GRM7: variants seen among roughly 807,000 people sequenced by gnomAD.
GRM7 encodes the protein metabotropic glutamate receptor 7.
GRM7 carries 35 observed loss-of-function variants against 84.5 expected under a neutral mutation model. That is an observed-to-expected ratio of 0.41 (90% CI 0.32 to 0.55). GRM7 has a LOEUF of 0.55. Ranked by LOEUF, GRM7 falls within the 20% of genes least tolerant of loss-of-function variation. The probability of loss-of-function intolerance (pLI) is 0.19; values close to 1 mark genes in which losing one functional copy is unlikely to be tolerated. For missense variants in GRM7, 1,003 were observed against 1,194.6 expected (o/e 0.84, Z 2.36); for synonymous variants, 487 against 455.1 (o/e 1.07, Z -0.89).
chr3:6,955,969 T>C (rs1418843952), intron 1 of GRM7, among the ~76,000 whole-genome samples: 1 of 152,206 alleles, frequency 6.6e-6, no homozygotes, highest in Non-Finnish European at 1.5e-5. Flanking sequence ...ATAAATTGCT[T>C]TAATCACAAA....
intron 1 of GRM7, among the ~76,000 whole-genome samples, chr3:7,057,900 A>G (rs951563071): frequency 2.6e-5 from 4 of 151,962 alleles, no homozygotes; most frequent in Non-Finnish European, 5.9e-5. Context: ...AATGAAGCAT[A>G]TATAGCAAGA....
intron 1 of GRM7, among the ~76,000 whole-genome samples, chr3:7,007,847 G>T (rs1361416586): frequency 6.6e-6 from 1 of 152,180 alleles, no homozygotes; most frequent in African/African-American, 2.4e-5. Context: ...AGAGGTTTGA[G>T]AGATTTCAGT....
At position 7,017,611 on chromosome 3, in the gene GRM7, T is replaced by C. The variant is rs368016652; in HGVS notation, c.520-128841T>C. 4.6e-5 allele frequency among the ~76,000 whole-genome samples: 7 copies of C among 152,182 alleles called. No individual in the cohort carries two copies. The East Asian group carries it at 9.6e-4, about 21-fold the overall frequency. ...ATCCGATGTCGATAAGTTGTGCTGGTGATTCTCCACCTGCTGTACATTATT... is the reference window on the plus strand; with the variant it reads ...ATCCGATGTCGATAAGTTGTGCTGGCGATTCTCCACCTGCTGTACATTATT... On this transcript the variant is annotated intron_variant, in intron 1 of 9. Transcript: ENST00000357716.
chr3:7,040,524 C>T (rs1696560782), intron 1 of GRM7, among the ~76,000 whole-genome samples: 2 of 151,746 alleles, frequency 1.3e-5, no homozygotes, highest in Non-Finnish European at 2.9e-5. Context: ...AGGATGGTCT[C>T]GATCTCCTGA....
At chr3:7,317,724 A>G (rs1264549487) in intron 4 of GRM7, among the ~76,000 whole-genome samples, 2 of 151,940 alleles carry the variant, frequency 1.3e-5, no homozygotes, top group East Asian at 3.9e-4. Context: ...TTAAGAGGTT[A>G]TTGAGAATGT....
chr3:7,027,331 G>A (rs1374092997), intron 1 of GRM7, among the ~76,000 whole-genome samples: 1 of 152,140 alleles, frequency 6.6e-6, no homozygotes, highest in Non-Finnish European at 1.5e-5. Context: ...CTAGACCTTT[G>A]AAAGATGACA....
At chr3:7,218,033 T>A (rs553833485) in intron 2 of GRM7, among the ~76,000 whole-genome samples, 1 of 152,088 alleles carries the variant, frequency 6.6e-6, no homozygotes, top group Non-Finnish European at 1.5e-5. Context: ...TAGCCAACCT[T>A]TGCTGTTAAA....
chr3:7,574,740 G>A (rs1694877328), intron 7 of GRM7, among the ~76,000 whole-genome samples: 2 of 152,324 alleles, frequency 1.3e-5, no homozygotes, highest in East Asian at 1.9e-4. Context: ...GATCAGGACA[G>A]TTGCCTACCA....
intron 4 of GRM7, among the ~76,000 whole-genome samples, chr3:7,311,728 G>A (rs1700403445): frequency 6.6e-6 from 1 of 151,898 alleles, no homozygotes; most frequent in African/African-American, 2.4e-5. Flanking sequence ...CTGAGTAGCT[G>A]GGACTGCAGG....
intron 2 of GRM7, among the ~76,000 whole-genome samples, chr3:7,296,362 A>C (rs993011696): frequency 6.6e-6 from 1 of 152,002 alleles, no homozygotes; most frequent in South Asian, 2.1e-4. Flanking sequence ...TTTGTTTGGT[A>C]ATATCTTTTC....
chr3:6,986,872 T>A lies in GRM7; in HGVS notation c.519+124965T>A, dbSNP rs556770198. ...TGCATGATTGGAGGGATGAATCTGG[T>A]CATCTCTATACCTTCAGCTATCAGC... On this transcript the variant is annotated intron_variant, in intron 1 of 9. Transcript: ENST00000357716. 2.6e-5 allele frequency among the ~76,000 whole-genome samples: 4 copies of A among 152,326 alleles called. No homozygotes were observed. The South Asian group carries it at 8.3e-4, about 32-fold the overall frequency.
Position 7,290,005 on chromosome 3 carries a change from A to G in GRM7, c.737-8679A>G, listed in dbSNP as rs62234949. Among the ~76,000 whole-genome samples the G allele has an allele frequency of 7.8e-3, 1,192 of 152,160 alleles. 25 individuals are homozygous for G. Among genetic ancestry groups the G allele is most frequent in the Admixed American group, 6.8e-3 (104 of 15,280 alleles). ...ACATGTACCCTAGAACTTAAAGTATAATAAAAAATAAAATAAAAATAAAAA... is the reference window on the plus strand; with the variant it reads ...ACATGTACCCTAGAACTTAAAGTATGATAAAAAATAAAATAAAAATAAAAA... On this transcript the variant is annotated intron_variant, in intron 2 of 9. Coordinates refer to ENST00000357716, the MANE Select transcript of GRM7 (RefSeq NM_000844.4).
chr3:7,057,961 T>C (rs113751112), intron 1 of GRM7, among the ~76,000 whole-genome samples: 159 of 152,064 alleles, frequency 1.0e-3, no homozygotes, highest in African/African-American at 3.6e-3. Flanking sequence ...TAATATGTGG[T>C]TTTCGGTTCT....
intron 1 of GRM7, among the ~76,000 whole-genome samples, chr3:7,001,428 G>A (rs1169296061): frequency 2.0e-5 from 3 of 152,164 alleles, no homozygotes; most frequent in Non-Finnish European, 4.4e-5. Flanking sequence ...AAACATAAAT[G>A]TTAACTTTAC....
chr3:7,138,679 T>TC (rs1297185353), intron 1 of GRM7, among the ~76,000 whole-genome samples: 3 of 151,892 alleles, frequency 2.0e-5, no homozygotes, highest in Non-Finnish European at 4.4e-5. Flanking sequence ...TAGTTTTTTT[T>TC]CACAATTTCT....
At chr3:7,670,067 A>T (rs757375644) in intron 8 of GRM7, among the ~76,000 whole-genome samples, 2 of 146,964 alleles carry the variant, frequency 1.4e-5, no homozygotes, top group Non-Finnish European at 2.9e-5. Context: ...TTTGCCCATC[A>T]TCCAGAGACA....
intron 2 of GRM7, among the ~76,000 whole-genome samples, chr3:7,284,205 G>T (rs565788938): frequency 6.6e-6 from 1 of 152,054 alleles, no homozygotes; most frequent in Non-Finnish European, 1.5e-5. Flanking sequence ...AGATACATGT[G>T]TAGTTACAAA....
chr3:7,114,248 A>G (rs1692956180), intron 1 of GRM7, among the ~76,000 whole-genome samples: 1 of 152,320 alleles, frequency 6.6e-6, no homozygotes, highest in Non-Finnish European at 1.5e-5. Flanking sequence ...GCTACTTAAC[A>G]TTGTAATGGT....
At chr3:7,667,885 C>T (rs9817134) in intron 8 of GRM7, among the ~76,000 whole-genome samples, 16,656 of 148,390 alleles carry the variant, frequency 0.11, 1,725 homozygotes, top group African/African-American at 0.27. Flanking sequence ...AAAACTTCAA[C>T]GCCTGAACTC....
Sources: allele counts gnomAD v4.1 joint callset (sites outside exome capture counted in the v4.1 genomes callset), GRCh38; gene constraint gnomAD v4.1.1; transcripts MANE v1.5; gene names NCBI Gene and HGNC (gene_info 2026-07-23, HGNC 2026-07-21).